The following LRFN2 variants were observed in gnomAD, a reference collection of about 807,000 sequenced individuals.
LRFN2 encodes the protein leucine-rich repeat and fibronectin type-III domain-containing protein 2.
A neutral mutation model predicts 37.3 loss-of-function variants in LRFN2; 18 were observed. The ratio of observed to expected loss-of-function variants is 0.48; its 90% CI spans 0.33 to 0.72. LRFN2 has a LOEUF of 0.72. LRFN2 is among the 30% of genes least tolerant of loss of function. The pLI is 0.02. For missense variants in LRFN2, 1,006 were observed against 1,060.7 expected, an observed-to-expected ratio of 0.95 and a Z score of 0.72; for synonymous variants, 556 against 466.6, an observed-to-expected ratio of 1.19 and a Z score of -2.47.
At chr6:40,500,786 C>T (rs772181637) in intron 1 of LRFN2, among the ~76,000 whole-genome samples, 4 of 152,100 alleles carry the variant, frequency 2.6e-5, no homozygotes, top group Non-Finnish European at 5.9e-5. Flanking sequence ...AAACAGTGGG[C>T]CTAGAAGACT....
chr6:40,536,217 G>A (rs775351047), intron 1 of LRFN2, among the ~76,000 whole-genome samples: 5 of 152,010 alleles, frequency 3.3e-5, no homozygotes, highest in Non-Finnish European at 5.9e-5. Flanking sequence ...GTGGGGGGCC[G>A]GTTCTGTCCA....
intron 1 of LRFN2, among the ~76,000 whole-genome samples, chr6:40,483,321 C>T (rs141578740): frequency 6.6e-6 from 1 of 152,368 alleles, no homozygotes; most frequent in Non-Finnish European, 1.5e-5. Context: ...TTTGCCCTCC[C>T]TGCTCTGTCT....
chr6:40,416,430 T>TGGG (rs1763094127), intron 2 of LRFN2, among the ~76,000 whole-genome samples: 1 of 4,494 alleles, frequency 2.2e-4, no homozygotes, highest in African/African-American at 1.1e-3. Flanking sequence ...TGAGGGGTGG[T>TGGG]GGGTGGGAGG....
intron 1 of LRFN2, among the ~76,000 whole-genome samples, chr6:40,493,047 T>G (rs1268141665): frequency 6.6e-6 from 1 of 151,774 alleles, no homozygotes; most frequent in Non-Finnish European, 1.5e-5. Context: ...GACAGGGTGG[T>G]CAGGAAGAGG....
intron 1 of LRFN2, among the ~76,000 whole-genome samples, chr6:40,435,052 T>TATATAGAGAGAGAGAGAGAG (rs1482968698): frequency 5.3e-5 from 2 of 37,536 alleles, no homozygotes; most frequent in East Asian, 8.7e-4. Context: ...TATATATATA[T>TATATAGAGAGAGAGAGAGAG]AGAGAGAGAG....
intron 1 of LRFN2, among the ~76,000 whole-genome samples, chr6:40,585,383 GC>G (rs993529518): frequency 6.6e-6 from 1 of 152,116 alleles, no homozygotes; most frequent in Non-Finnish European, 1.5e-5. Flanking sequence ...CAGCAGAAGG[GC>G]CCAGGCAGCT....
chr6:40,392,398 G>A lies in LRFN2; in HGVS notation c.1915C>T (p.Pro639Ser), dbSNP rs750189329. Residue 639 changes from proline to serine, a missense_variant, in exon 3 of 3, where the codon CCC (proline) becomes TCC (serine). Pro to Ser is a moderately conservative substitution (Grantham distance 74, BLOSUM62 -1). This residue lies in a region of LRFN2 where 398 missense variants were observed against 327.6 expected (regional missense o/e 1.21). Transcript: ENST00000338305. The surrounding 1 kb of genome is among the most constrained non-coding windows in gnomAD (Gnocchi z 4.7). ...SGEAAGLGRA[P>S]WRIPPSAPRP... ...GGGGCGGAGGGTGGGATCCTCCAGG[G>A]GGCCCGTCCCAGCCCCGCAGCCTCC... 1 of 1,578,432 alleles carries A rather than the reference G, an allele frequency of 6.3e-7. No homozygotes were observed. The highest frequency in any genetic ancestry group is 8.6e-7 in the Non-Finnish European group (1 of 1,162,342).
intron 1 of LRFN2, among the ~76,000 whole-genome samples, chr6:40,580,061 G>A (rs1242038912): frequency 6.6e-6 from 1 of 152,178 alleles, no homozygotes; most frequent in Non-Finnish European, 1.5e-5. Context: ...GAGGTGAGGT[G>A]GGCTGAGACT....
intron 1 of LRFN2, among the ~76,000 whole-genome samples, chr6:40,492,922 G>T (rs942037057): frequency 6.6e-6 from 1 of 152,072 alleles, no homozygotes; most frequent in East Asian, 1.9e-4. Context: ...GTGGTTGGTG[G>T]ACACTAACAA....
chr6:40,586,068 C>T lies in LRFN2; in HGVS notation c.-19+873G>A, dbSNP rs182136913. On this transcript the variant is annotated intron_variant, in intron 1 of 2. Transcript: ENST00000338305. ...TCTCCACTCAGGCTCTCTTCTCCCT[C>T]CTGCTCTGGTTTTCAGAGGCTCTAT... Among the ~76,000 whole-genome samples, 335 of 152,342 alleles carry T rather than the reference C, an allele frequency of 2.2e-3. 2 individuals carry two copies. Among genetic ancestry groups the T allele is most frequent in the African/African-American group, 7.5e-3 (313 of 41,586 alleles).
intron 1 of LRFN2, among the ~76,000 whole-genome samples, chr6:40,480,600 T>C (rs1392624463): frequency 2.0e-5 from 3 of 152,092 alleles, no homozygotes; most frequent in Non-Finnish European, 4.4e-5. Context: ...TTAACCACCA[T>C]GTACATCAGG....
At chr6:40,479,723 C>A (rs1049235960) in intron 1 of LRFN2, among the ~76,000 whole-genome samples, 1 of 152,164 alleles carries the variant, frequency 6.6e-6, no homozygotes, top group Admixed American at 6.5e-5. Context: ...TGGCTTGGGG[C>A]TCAGGGCCGC....
intron 1 of LRFN2, among the ~76,000 whole-genome samples, chr6:40,531,849 C>T (rs955122099): frequency 1.1e-4 from 16 of 152,166 alleles, no homozygotes; most frequent in Middle Eastern, 3.2e-3. Context: ...CATCTACATT[C>T]CAGTAAGATG....
intron 1 of LRFN2, among the ~76,000 whole-genome samples, chr6:40,584,274 A>G (rs1396890828): frequency 6.6e-6 from 1 of 152,212 alleles, no homozygotes; most frequent in African/African-American, 2.4e-5. Context: ...ACTGCCAGGA[A>G]AACATCAGGT....
Position 40,392,338 on chromosome 6 carries a change from C to T in LRFN2, c.1975G>A (p.Ala659Thr). Residue 659 changes from alanine to threonine, a missense_variant, in exon 3 of 3, where the codon GCC (alanine) becomes ACC (threonine). Physicochemically the swap from Ala to Thr is moderately conservative, Grantham distance 58. Coordinates refer to ENST00000338305, the MANE Select transcript of LRFN2 (RefSeq NM_020737.3). This position sits in a 1 kb window ranked among gnomAD's most constrained non-coding sequence, Gnocchi z 4.7. ...PKPSLDRLMG[A>T]FASLDLKSQR... ...CTCTTGAGGTCCAGGGAGGCGAAGG[C>T]CCCCATCAGGCGGTCAAGGCTGGGC... 1 of 1,610,048 alleles carries T rather than the reference C, an allele frequency of 6.2e-7. No individual in the cohort carries two copies. Among genetic ancestry groups the T allele is most frequent in the Non-Finnish European group, 8.5e-7 (1 of 1,178,536 alleles).
At chr6:40,446,987 C>T (rs1763985723) in intron 1 of LRFN2, among the ~76,000 whole-genome samples, 1 of 151,082 alleles carries the variant, frequency 6.6e-6, no homozygotes, top group Non-Finnish European at 1.5e-5. Flanking sequence ...CTGCATCTCC[C>T]CTCAGACTGG....
intron 2 of LRFN2, among the ~76,000 whole-genome samples, chr6:40,407,048 G>T (rs576328909): frequency 1.3e-5 from 2 of 152,300 alleles, no homozygotes; most frequent in East Asian, 3.9e-4. Context: ...ACACTGAGCA[G>T]ACTGTCAATG....
chr6:40,448,425 C>T (rs1195475542), intron 1 of LRFN2, among the ~76,000 whole-genome samples: 1 of 151,774 alleles, frequency 6.6e-6, no homozygotes, highest in East Asian at 1.9e-4. Flanking sequence ...TCACTTCTGC[C>T]AAAGTAATAA....
In LRFN2 at chr6:40,416,767, C is replaced by T. The variant is rs547468888; in HGVS notation, c.1400+14947G>A. Among the ~76,000 whole-genome samples, 255 of 152,286 alleles carry T rather than the reference C, an allele frequency of 1.7e-3. 2 individuals are homozygous for T. The highest frequency in any genetic ancestry group is 5.4e-3 in the African/African-American group (226 of 41,570). Reference sequence around the variant, plus strand: ...CTAGGGCATCCACTGTGCCCTCCCTCGGGTCAGCATCCACTGTTCGCCAGT... The same window carrying T: ...CTAGGGCATCCACTGTGCCCTCCCTTGGGTCAGCATCCACTGTTCGCCAGT... On this transcript the variant is annotated intron_variant, in intron 2 of 2. Coordinates refer to ENST00000338305, the MANE Select transcript of LRFN2 (RefSeq NM_020737.3).
Sources: gnomAD v4.1 joint callset for allele counts (sites outside exome capture counted in the v4.1 genomes callset) on GRCh38, gnomAD v4.1.1 for gene constraint, gnomAD v4.1.1 regional missense constraint, Gnocchi (gnomAD v3.1) non-coding constraint, MANE v1.5 for transcripts, NCBI Gene and HGNC (gene_info 2026-07-23, HGNC 2026-07-21) for gene names.